UBR3: variants seen among roughly 807,000 people sequenced by gnomAD.
UBR3 encodes ubiquitin protein ligase E3 component n-recognin 3, also known as E3 ubiquitin-protein ligase UBR3.
Under a neutral mutation model 243.2 loss-of-function variants are expected in UBR3, and 85 were observed. That is an observed-to-expected ratio of 0.35 (90% CI 0.29 to 0.42). The LOEUF (loss-of-function observed/expected upper bound fraction) is 0.42. Ranked by LOEUF, UBR3 falls within the 10% of genes least tolerant of loss-of-function variation. The pLI, the probability that UBR3 is intolerant of heterozygous loss-of-function variation, is 1.00. For missense variants in UBR3, 1,686 were observed against 2,300.8 expected (o/e 0.73, Z 5.47); for synonymous variants, 748 against 799.8 (o/e 0.94, Z 1.09).
At chr2:169,865,541 C>G (rs1439042375) in intron 1 of UBR3, among the ~76,000 whole-genome samples, 2 of 152,150 alleles carry the variant, frequency 1.3e-5, no homozygotes, top group Non-Finnish European at 1.5e-5. Flanking sequence ...TTTGGCTTAG[C>G]TACTTGGTAC....
At chr2:169,831,621 G>T (rs1359998472) in intron 1 of UBR3, among the ~76,000 whole-genome samples, 1 of 152,126 alleles carries the variant, frequency 6.6e-6, no homozygotes, top group Admixed American at 6.6e-5. Context: ...ATTGGATAGA[G>T]TAATTTTCCT....
At position 170,083,207 on chromosome 2, in the gene UBR3, T is replaced by A. The variant is rs1053496402; in HGVS notation, c.*1364T>A. The A allele has an allele frequency of 2.0e-5, 3 of 152,498 alleles. No individual in the cohort carries two copies. The highest frequency in any genetic ancestry group is 4.4e-5 in the Non-Finnish European group (3 of 67,996). The allele number at this position is 152,498 out of a possible 1,614,324, so 9.4% of individuals were successfully genotyped here. On this transcript the variant is annotated 3_prime_UTR_variant, in exon 39 of 39. Coordinates refer to ENST00000272793, the MANE Select transcript of UBR3 (RefSeq NM_172070.4). ...TATGTCAGATCCATGTTCTAAAAAA[T>A]TTTTGTAATGACATGACATTACAAG...
At chr2:170,028,977 C>T (rs1574419525) in intron 30 of UBR3, among the ~76,000 whole-genome samples, 1 of 151,932 alleles carries the variant, frequency 6.6e-6, no homozygotes, top group East Asian at 1.9e-4. Context: ...GTTCATATTA[C>T]CCAGGGTAGA....
At chr2:170,036,756 C>T (rs1188003084) in intron 31 of UBR3, among the ~76,000 whole-genome samples, 2 of 151,938 alleles carry the variant, frequency 1.3e-5, no homozygotes, top group Non-Finnish European at 2.9e-5. Flanking sequence ...CTTATTTTGT[C>T]ATAGTTGTTT....
chr2:169,947,515 T>C, intron 21 of UBR3, 27 bp from the exon 22 acceptor site: 1 of 1,418,946 alleles, frequency 7.0e-7, no homozygotes, highest in South Asian at 1.7e-5. Flanking sequence ...TGGCAAGACT[T>C]GATATTCATT....
intron 1 of UBR3, among the ~76,000 whole-genome samples, chr2:169,840,461 T>C (rs2082254573): frequency 6.6e-6 from 1 of 152,176 alleles, no homozygotes; most frequent in African/African-American, 2.4e-5. Flanking sequence ...TTGGGTGCAG[T>C]CCACACTGTA....
intron 1 of UBR3, among the ~76,000 whole-genome samples, chr2:169,865,887 C>A (rs903112792): frequency 6.6e-6 from 1 of 152,080 alleles, no homozygotes; most frequent in East Asian, 1.9e-4. Context: ...CGGTGGCTAA[C>A]GCCTGTAATC....
chr2:169,878,267 A>G (rs2083689278), intron 4 of UBR3, among the ~76,000 whole-genome samples: 1 of 151,958 alleles, frequency 6.6e-6, no homozygotes, highest in Non-Finnish European at 1.5e-5. Context: ...AAGCTGAGGC[A>G]GGAGAATTGC....
chr2:169,938,295 A>T, intron 19 of UBR3, among the ~76,000 whole-genome samples: 1 of 146,806 alleles, frequency 6.8e-6, no homozygotes. Context: ...TTTTTGAGAC[A>T]CTGTCACTCT....
At chr2:170,015,017 T>G (rs973781473) in intron 29 of UBR3, 14 of 273,896 alleles carry the variant, frequency 5.1e-5, no homozygotes, top group African/African-American at 2.7e-4. Context: ...GTGCCAAGAG[T>G]TGGGACTTTG....
chr2:169,890,563 A>ATATATATGTGTGTG (rs1255881148), intron 5 of UBR3, among the ~76,000 whole-genome samples: 30 of 83,858 alleles, frequency 3.6e-4, no homozygotes, highest in Middle Eastern at 6.4e-3. Flanking sequence ...ATATATATAT[A>ATATATATGTGTGTG]TGTGTATATA....
intron 1 of UBR3, among the ~76,000 whole-genome samples, chr2:169,869,220 T>TG (rs1448020903): frequency 7.3e-6 from 1 of 137,118 alleles, no homozygotes; most frequent in African/African-American, 2.7e-5. Context: ...GATAAGGTTT[T>TG]TTTTTTTTTT....
chr2:169,927,960 A>G (rs995216729), intron 17 of UBR3, among the ~76,000 whole-genome samples: 4 of 152,226 alleles, frequency 2.6e-5, no homozygotes, highest in Non-Finnish European at 5.9e-5. Flanking sequence ...TGTTAATAAA[A>G]TTTTACACAA....
chr2:169,956,345 A>G (rs1055177931), intron 23 of UBR3, among the ~76,000 whole-genome samples: 2 of 151,440 alleles, frequency 1.3e-5, no homozygotes, highest in Non-Finnish European at 2.9e-5. Flanking sequence ...TCCCTTATAT[A>G]TAACCACTTT....
At chr2:169,845,059 T>A (rs2082421999) in intron 1 of UBR3, among the ~76,000 whole-genome samples, 1 of 152,178 alleles carries the variant, frequency 6.6e-6, no homozygotes, top group Admixed American at 6.5e-5. Context: ...ATATTTTCAT[T>A]TTTATGCAGT....
chr2:170,017,933 T>A (rs2090292921), intron 30 of UBR3, among the ~76,000 whole-genome samples: 1 of 152,194 alleles, frequency 6.6e-6, no homozygotes, highest in African/African-American at 2.4e-5. Flanking sequence ...ATAGGTGTTA[T>A]CTCTTTTTCA....
intron 17 of UBR3, 60 bp downstream of exon 17, chr2:169,927,465 G>T (rs2085950724): frequency 4.1e-6 from 5 of 1,229,466 alleles, no homozygotes; most frequent in Admixed American, 5.8e-5. Flanking sequence ...TATTTTTTAT[G>T]ATTAATAGTT....
chr2:169,980,726 C>G (rs541253665), intron 24 of UBR3, among the ~76,000 whole-genome samples: 1 of 151,296 alleles, frequency 6.6e-6, no homozygotes, highest in South Asian at 2.1e-4. Context: ...ATTAACTCAT[C>G]ATTTAGCATT....
chr2:170,040,309 G>GT (rs1459892584), intron 31 of UBR3, among the ~76,000 whole-genome samples: 1 of 151,178 alleles, frequency 6.6e-6, no homozygotes, highest in Non-Finnish European at 1.5e-5. Flanking sequence ...TTTTCACCAT[G>GT]TTGTCAATCT....
Sources: gnomAD v4.1 joint callset for allele counts (sites outside exome capture counted in the v4.1 genomes callset) on GRCh38, gnomAD v4.1.1 for gene constraint, MANE v1.5 for transcripts, NCBI Gene and HGNC (gene_info 2026-07-23, HGNC 2026-07-21) for gene names.